Variants in SLC8A1 observed in about 807,000 individuals in gnomAD.
The protein encoded by SLC8A1 is solute carrier family 8 member A1, also known as sodium/calcium exchanger 1.
SLC8A1 carries 18 observed loss-of-function variants against 68.3 expected under a neutral mutation model. The ratio of observed to expected loss-of-function variants is 0.26; its 90% CI spans 0.18 to 0.39. The LOEUF (loss-of-function observed/expected upper bound fraction) is 0.39, where lower values mean the gene tolerates loss of function less well. SLC8A1 is among the 10% of genes least tolerant of loss of function. The pLI, the probability that SLC8A1 is intolerant of heterozygous loss-of-function variation, is 1.00. For missense variants in SLC8A1, 985 were observed against 1,156.7 expected (o/e 0.85, Z 2.15); for synonymous variants, 475 against 415.5 (o/e 1.14, Z -1.74).
At chr2:40,238,547 G>A (rs1272434640) in intron 2 of SLC8A1, among the ~76,000 whole-genome samples, 2 of 152,172 alleles carry the variant, frequency 1.3e-5, no homozygotes, top group Non-Finnish European at 2.9e-5. Flanking sequence ...AGATGGAAAT[G>A]CAGAAATCGC....
chr2:40,234,224 C>T (rs1334393719), intron 2 of SLC8A1, among the ~76,000 whole-genome samples: 11 of 151,920 alleles, frequency 7.2e-5, no homozygotes, highest in Admixed American at 7.2e-4. Context: ...ATTCTTCCTA[C>T]CCATGAGCAT....
chr2:40,458,593 T>C (rs1576609088), intron 1 of SLC8A1, among the ~76,000 whole-genome samples: 1 of 152,246 alleles, frequency 6.6e-6, no homozygotes, highest in East Asian at 1.9e-4. Context: ...AGTCACCATA[T>C]CTACACCGGT....
At chr2:40,337,681 G>A (rs929767579) in intron 2 of SLC8A1, among the ~76,000 whole-genome samples, 5 of 151,772 alleles carry the variant, frequency 3.3e-5, no homozygotes, top group African/African-American at 1.2e-4. Flanking sequence ...TTATTTTCTT[G>A]TGAGTTACAC....
chr2:40,098,889 A>G (rs2125017885), exon 8 of SLC8A1: 1 of 152,206 alleles, frequency 6.6e-6, no homozygotes, highest in Middle Eastern at 3.4e-3. Context: ...TCATTAAACA[A>G]TGGTCTTTGG....
intron 2 of SLC8A1, among the ~76,000 whole-genome samples, chr2:40,399,975 G>A (rs924612927): frequency 2.6e-5 from 4 of 152,188 alleles, no homozygotes; most frequent in Admixed American, 2.0e-4. Context: ...TTTACCTATA[G>A]ATTACAGACA....
At chr2:40,226,924 T>A (rs2059051803) in intron 2 of SLC8A1, among the ~76,000 whole-genome samples, 1 of 152,134 alleles carries the variant, frequency 6.6e-6, no homozygotes. Flanking sequence ...CTAATACTGT[T>A]CTATGTTAAA....
intron 2 of SLC8A1, among the ~76,000 whole-genome samples, chr2:40,369,534 T>G (rs983497647): frequency 6.6e-6 from 1 of 152,136 alleles, no homozygotes; most frequent in African/African-American, 2.4e-5. Context: ...CCACCAGTTG[T>G]CTGTGGATGT....
chr2:40,267,049 G>C lies in SLC8A1; in HGVS notation c.1809-89194C>G, dbSNP rs536148378. Among the ~76,000 whole-genome samples the C allele has an allele frequency of 5.3e-5, 8 of 152,314 alleles. No homozygotes were observed. The South Asian group carries it at 1.2e-3, about 24-fold the overall frequency. On this transcript the variant is annotated intron_variant, in intron 2 of 7. Coordinates refer to ENST00000406785, the Ensembl canonical transcript of SLC8A1. ...TTCATCAGCAAACTTATGAAGCCCA[G>C]TTTATTAAGTTTCTTGGGCAAAAGA...
At chr2:40,396,636 TA>T (rs1686982067) in intron 2 of SLC8A1, among the ~76,000 whole-genome samples, 1 of 151,332 alleles carries the variant, frequency 6.6e-6, no homozygotes, top group African/African-American at 2.4e-5. Context: ...ATTAATTCAT[TA>T]AATATTTCTG....
At chr2:40,103,493 A>T (rs1268771656) in exon 8 of SLC8A1, 2 of 152,196 alleles carry the variant, frequency 1.3e-5, no homozygotes, top group Non-Finnish European at 2.9e-5. Flanking sequence ...TACACCTTTA[A>T]ATATCTTTCT....
chr2:40,208,445 C>G (rs148505478), intron 2 of SLC8A1: 4 of 152,140 alleles, frequency 2.6e-5, no homozygotes, highest in African/African-American at 9.7e-5. Flanking sequence ...GAATATTAGT[C>G]TTTCAGGTAT....
chr2:40,158,116 A>C (rs2044930832), intron 6 of SLC8A1, among the ~76,000 whole-genome samples: 1 of 152,204 alleles, frequency 6.6e-6, no homozygotes. Flanking sequence ...ATAGCAAAGA[A>C]ACCTCTCAGT....
At chr2:40,393,731 C>A (rs1225344527) in intron 2 of SLC8A1, among the ~76,000 whole-genome samples, 4 of 152,062 alleles carry the variant, frequency 2.6e-5, no homozygotes, top group Non-Finnish European at 4.4e-5. Flanking sequence ...CAGCTTGTAA[C>A]AATTAGATAC....
exon 8 of SLC8A1, chr2:40,112,744 A>T (rs1352973199): frequency 6.6e-6 from 1 of 152,626 alleles, no homozygotes; most frequent in Admixed American, 6.6e-5. Flanking sequence ...TCCATTGCCA[A>T]CAAAGATAAA....
chr2:40,248,421 G>A (rs375241697), intron 2 of SLC8A1, among the ~76,000 whole-genome samples: 1 of 152,042 alleles, frequency 6.6e-6, no homozygotes, highest in Non-Finnish European at 1.5e-5. Flanking sequence ...CATCTCCCTT[G>A]CCCTACCATC....
At chr2:40,255,903 G>C (rs1056133729) in intron 2 of SLC8A1, among the ~76,000 whole-genome samples, 2 of 152,084 alleles carry the variant, frequency 1.3e-5, no homozygotes, top group African/African-American at 4.8e-5. Flanking sequence ...ACTACGTCTG[G>C]TGTTCTCTGG....
At chr2:40,383,567 T>C (rs1029065022) in intron 2 of SLC8A1, among the ~76,000 whole-genome samples, 2 of 152,094 alleles carry the variant, frequency 1.3e-5, no homozygotes, top group African/African-American at 4.8e-5. Context: ...ACAACTATGA[T>C]AGTACTCACT....
chr2:40,160,892 A>C, intron 5 of SLC8A1, 28 bp from the exon 9 acceptor site: 1 of 1,551,204 alleles, frequency 6.4e-7, no homozygotes, highest in Non-Finnish European at 8.9e-7. Context: ...AAAAATATAA[A>C]TGCTGGGTTC....
chr2:40,445,452 A>G (rs1701274169), intron 1 of SLC8A1, among the ~76,000 whole-genome samples: 1 of 150,346 alleles, frequency 6.7e-6, no homozygotes, highest in Non-Finnish European at 1.5e-5. Context: ...CAGGGAAAGA[A>G]AAAGAAAAAG....
Sources: allele counts gnomAD v4.1 joint callset (sites outside exome capture counted in the v4.1 genomes callset), GRCh38; gene constraint gnomAD v4.1.1; transcripts MANE v1.5; gene names NCBI Gene and HGNC (gene_info 2026-07-23, HGNC 2026-07-21).